KMT2E: variants seen among roughly 807,000 people sequenced by gnomAD.
The protein encoded by KMT2E is lysine methyltransferase 2E (inactive).
Under a neutral mutation model 184.6 loss-of-function variants are expected in KMT2E, and 30 were observed. That is an observed-to-expected ratio of 0.16 (90% CI 0.12 to 0.22). The LOEUF (loss-of-function observed/expected upper bound fraction) is 0.22, where lower values mean the gene tolerates loss of function less well. KMT2E is among the 10% of genes least tolerant of loss of function. The probability of loss-of-function intolerance (pLI) is 1.00; values close to 1 mark genes in which losing one functional copy is unlikely to be tolerated. For synonymous variants in KMT2E, 815 were observed against 776.5 expected (o/e 1.05, Z -0.82); for missense variants, 2,023 against 2,237.4 (o/e 0.90, Z 1.93).
chr7:105,112,228 C>T lies in KMT2E; in HGVS notation c.4472C>T (p.Pro1491Leu), dbSNP rs1233884628. ...HHSQSPQVGT[P>L]QREPQRNFYP... is the part of the protein sequence containing the mutation. ...TCACAGTCACCTCAAGTTGGAACACCTCAGCGAGAGCCTCAAAGAAACTTT... is the reference window on the plus strand; with the variant it reads ...TCACAGTCACCTCAAGTTGGAACACTTCAGCGAGAGCCTCAAAGAAACTTT... The change falls in exon 27 of 27, where the codon CCT (proline) becomes CTT (leucine). Residue 1491 changes from proline (P) to leucine (L), a missense_variant. Pro to Leu is a moderately conservative substitution (Grantham distance 98). Transcript: ENST00000311117. The T allele has an allele frequency of 1.2e-6, 2 of 1,614,064 alleles. No homozygotes were observed. Among genetic ancestry groups the T allele is most frequent in the Non-Finnish European group, 8.5e-7 (1 of 1,180,040 alleles).
At chr7:105,048,987 A>G (rs1796218883) in intron 3 of KMT2E, among the ~76,000 whole-genome samples, 1 of 152,232 alleles carries the variant, frequency 6.6e-6, no homozygotes, top group Non-Finnish European at 1.5e-5. Flanking sequence ...ATAATTAGGT[A>G]GAGGGAACAG....
intron 5 of KMT2E, chr7:105,064,116 G>T: frequency 2.7e-6 from 1 of 365,912 alleles, no homozygotes; most frequent in South Asian, 1.9e-5. Flanking sequence ...CCCTAGAGAA[G>T]GTGTGATTGG....
chr7:105,072,682 G>A (rs751623708), intron 6 of KMT2E, among the ~76,000 whole-genome samples: 3 of 152,132 alleles, frequency 2.0e-5, no homozygotes, highest in Non-Finnish European at 4.4e-5. Context: ...TTGGGAGGCC[G>A]AGGTGGGCAG....
Position 105,077,022 on chromosome 7 carries a change from G to C in KMT2E, c.828G>C (p.Lys276Asn), listed in dbSNP as rs769314927. Residue 276 changes from lysine to asparagine, a missense_variant, in exon 10 of 27, where the codon AAG (lysine) becomes AAC (asparagine). By Grantham distance (94) the Lys-to-Asn change is moderately conservative. Coordinates refer to ENST00000311117, the MANE Select transcript of KMT2E (RefSeq NM_182931.3). ...GTTCAAATTTTGGATGGGAGACAAA[G>C]ATCAAAGCATGGATGGATCGATATG... The part of the protein sequence containing the change: ...SDGSNFGWET[K>N]IKAWMDRYEE... 1 of 1,613,778 alleles carries C rather than the reference G, an allele frequency of 6.2e-7. No homozygotes were observed.
At chr7:105,108,749 T>C in intron 22 of KMT2E, 193 bp from the exon 23 acceptor site, 1 of 568,450 alleles carries the variant, frequency 1.8e-6, no homozygotes, top group East Asian at 3.0e-5. Context: ...TGAGATAATG[T>C]ATGTAAATCA....
chr7:105,091,261 A>C lies in KMT2E; in HGVS notation c.1669A>C (p.Asn557His), dbSNP rs1027821488. The change falls in exon 15 of 27, where the codon AAT becomes CAT. Residue 557 changes from asparagine to histidine, a missense_variant. Asn to His is a moderately conservative substitution (Grantham distance 68). Transcript: ENST00000311117. ...DDIEEKTPIS[N>H]EVEMESEEQI... is the part of the protein sequence containing the mutation. ...TATAGAAGAAAAAACTCCTATTAGT[A>C]ATGAAGTAGAAATGGAATCAGAGGA... The C allele has an allele frequency of 6.2e-7, 1 of 1,604,618 alleles. No homozygotes were observed. Among genetic ancestry groups the C allele is most frequent in the Non-Finnish European group, 8.5e-7 (1 of 1,171,748 alleles).
chr7:105,019,284 T>C (rs1290937743), intron 1 of KMT2E, among the ~76,000 whole-genome samples: 1 of 152,216 alleles, frequency 6.6e-6, no homozygotes, highest in Non-Finnish European at 1.5e-5. Context: ...TTTCACGAGA[T>C]AACATGTTTT....
Position 105,114,964 on chromosome 7 carries a change from A to G in KMT2E, c.*1631A>G, listed in dbSNP as rs533615194. On this transcript the variant is annotated 3_prime_UTR_variant, in exon 27 of 27. Coordinates refer to ENST00000311117, the MANE Select transcript of KMT2E (RefSeq NM_182931.3). Reference sequence around the variant, plus strand: ...ATGGTTTTACATCATCTATCCTGATAGTTTCAAACAGAATAAAGGTAACTA... The same window carrying G: ...ATGGTTTTACATCATCTATCCTGATGGTTTCAAACAGAATAAAGGTAACTA... Among the ~76,000 whole-genome samples, 1 of 152,328 alleles carries G rather than the reference A, an allele frequency of 6.6e-6. No individual in the cohort carries two copies. Among genetic ancestry groups the G allele is most frequent in the Non-Finnish European group, 1.5e-5 (1 of 68,028 alleles).
In KMT2E at chr7:105,087,894, T is replaced by A. The variant is rs544193382; in HGVS notation, c.1359-2115T>A. On this transcript the variant is annotated intron_variant, in intron 13 of 26. Coordinates refer to ENST00000311117, the MANE Select transcript of KMT2E (RefSeq NM_182931.3). ...TCTTTTGGGTTATAAGCAATTCGAT[T>A]CAGTTCCTCTTATTCTATATATTTT... Among the ~76,000 whole-genome samples the A allele has an allele frequency of 1.5e-4, 23 of 151,798 alleles. 1 individual carries two copies. In the South Asian group the frequency reaches 4.4e-3, roughly 29 times the overall value.
intron 3 of KMT2E, among the ~76,000 whole-genome samples, chr7:105,043,659 C>T (rs192346613): frequency 6.6e-6 from 1 of 152,126 alleles, no homozygotes; most frequent in African/African-American, 2.4e-5. Flanking sequence ...TAAAGTGGTT[C>T]CAGAAAAATG....
intron 1 of KMT2E, among the ~76,000 whole-genome samples, chr7:105,035,462 C>T (rs1795609803): frequency 6.6e-6 from 1 of 151,686 alleles, no homozygotes; most frequent in Non-Finnish European, 1.5e-5. Flanking sequence ...AGCCACTGTG[C>T]CCAGCCAAGA....
chr7:105,028,700 C>T (rs1200296410), intron 1 of KMT2E, among the ~76,000 whole-genome samples: 97 of 151,752 alleles, frequency 6.4e-4, no homozygotes, highest in Admixed American at 6.4e-3. Context: ...GATGGGATTT[C>T]ACCATGTTGT....
intron 3 of KMT2E, among the ~76,000 whole-genome samples, chr7:105,047,877 G>A (rs1020477671): frequency 6.6e-6 from 1 of 152,180 alleles, no homozygotes; most frequent in Non-Finnish European, 1.5e-5. Context: ...GGTTGAAATG[G>A]AAGTGAAGGG....
chr7:105,040,083 A>G (rs957472413), intron 2 of KMT2E, among the ~76,000 whole-genome samples: 2 of 152,164 alleles, frequency 1.3e-5, no homozygotes, highest in Non-Finnish European at 2.9e-5. Context: ...ATGGAAGAAA[A>G]AGAGAACTCC....
At chr7:105,087,717 C>T (rs552898948) in intron 13 of KMT2E, among the ~76,000 whole-genome samples, 1 of 151,918 alleles carries the variant, frequency 6.6e-6, no homozygotes, top group Non-Finnish European at 1.5e-5. Context: ...AATTACCACG[C>T]CCAGCCTCCC....
At chr7:105,067,434 A>G (rs1203395612) in intron 6 of KMT2E, among the ~76,000 whole-genome samples, 1 of 151,846 alleles carries the variant, frequency 6.6e-6, no homozygotes, top group Non-Finnish European at 1.5e-5. Context: ...TCTTTTTATT[A>G]TGGACATTTC....
chr7:105,017,414 G>A (rs1470738512), intron 1 of KMT2E, among the ~76,000 whole-genome samples: 3 of 146,568 alleles, frequency 2.0e-5, no homozygotes, highest in Non-Finnish European at 3.0e-5. Context: ...GTGGTGGTGG[G>A]TGGTTTTTTT....
intron 3 of KMT2E, among the ~76,000 whole-genome samples, chr7:105,059,992 T>TGTTTG (rs1562898253): frequency 6.9e-5 from 5 of 72,512 alleles, no homozygotes; most frequent in African/African-American, 2.9e-4. Context: ...TTTTTTTTTT[T>TGTTTG]TTTTTTTTTT....
chr7:105,069,229 C>A (rs1362153821), intron 6 of KMT2E, among the ~76,000 whole-genome samples: 9 of 152,112 alleles, frequency 5.9e-5, no homozygotes, highest in Admixed American at 5.9e-4. Flanking sequence ...TCATCTGTTT[C>A]TTTAAGATAA....
Sources: allele counts gnomAD v4.1 joint callset (sites outside exome capture counted in the v4.1 genomes callset), GRCh38; gene constraint gnomAD v4.1.1; transcripts MANE v1.5; gene names NCBI Gene and HGNC (gene_info 2026-07-23, HGNC 2026-07-21).